PPP3CA: variants seen among roughly 807,000 people sequenced by gnomAD.
PPP3CA encodes the protein protein phosphatase 3 catalytic subunit alpha.
In PPP3CA, 14 loss-of-function variants were observed where a neutral mutation model predicts 66.5. The observed-to-expected ratio is 0.21, with a 90% CI of 0.14 to 0.33. PPP3CA has a LOEUF of 0.33. Ranked by LOEUF, PPP3CA falls within the 10% of genes least tolerant of loss-of-function variation. The pLI is 1.00. For synonymous variants in PPP3CA, 232 were observed against 226.2 expected, an observed-to-expected ratio of 1.03 and a Z score of -0.23; for missense variants, 317 against 639.5, an observed-to-expected ratio of 0.50 and a Z score of 5.44.
At chr4:101,321,614 T>C (rs958779771) in intron 1 of PPP3CA, among the ~76,000 whole-genome samples, 3 of 152,194 alleles carry the variant, frequency 2.0e-5, no homozygotes, top group Admixed American at 6.5e-5. Context: ...GGGAGCAGGA[T>C]TCACTTGTTG....
chr4:101,028,480 C>G (rs1488972678), intron 13 of PPP3CA, among the ~76,000 whole-genome samples: 1 of 152,170 alleles, frequency 6.6e-6, no homozygotes, highest in African/African-American at 2.4e-5. Flanking sequence ...AGCAGACACT[C>G]AGTACACATT....
chr4:101,074,404 C>A (rs1729055608), intron 8 of PPP3CA, among the ~76,000 whole-genome samples: 1 of 152,112 alleles, frequency 6.6e-6, no homozygotes, highest in Admixed American at 6.6e-5. Context: ...AAAACAACCT[C>A]CTAGTGGAAA....
chr4:101,207,734 G>A (rs1725178232), intron 1 of PPP3CA, among the ~76,000 whole-genome samples: 1 of 152,046 alleles, frequency 6.6e-6, no homozygotes, highest in Non-Finnish European at 1.5e-5. Context: ...GCTGAGGCAG[G>A]AGAATCACTT....
At chr4:101,277,569 A>G (rs1727541969) in intron 1 of PPP3CA, among the ~76,000 whole-genome samples, 1 of 152,226 alleles carries the variant, frequency 6.6e-6, no homozygotes, top group Non-Finnish European at 1.5e-5. Context: ...TCAGAGGTCC[A>G]TCTTGCACAT....
At chr4:101,193,394 T>C (rs1306136474) in intron 2 of PPP3CA, among the ~76,000 whole-genome samples, 1 of 152,130 alleles carries the variant, frequency 6.6e-6, no homozygotes, top group Non-Finnish European at 1.5e-5. Flanking sequence ...TACTTTTCTT[T>C]ACAAAATGTC....
chr4:101,026,144 A>G, intron 13 of PPP3CA, 83 bp from the exon 14 acceptor site: 1 of 1,233,508 alleles, frequency 8.1e-7, no homozygotes, highest in Non-Finnish European at 1.1e-6. Context: ...AGGTGATGTT[A>G]GAGATTTCTC....
chr4:101,205,880 G>A (rs893526752), intron 1 of PPP3CA, among the ~76,000 whole-genome samples: 2 of 152,134 alleles, frequency 1.3e-5, no homozygotes, highest in African/African-American at 4.8e-5. Flanking sequence ...CCAGCATACA[G>A]CATCTTGTAT....
At chr4:101,067,837 A>AATG (rs1454084398) in intron 8 of PPP3CA, among the ~76,000 whole-genome samples, 1 of 150,174 alleles carries the variant, frequency 6.7e-6, no homozygotes, top group African/African-American at 2.5e-5. Flanking sequence ...TAATAATAAT[A>AATG]ATAAAAAGCT....
intron 1 of PPP3CA, among the ~76,000 whole-genome samples, chr4:101,291,830 G>C (rs959196648): frequency 6.6e-6 from 1 of 151,974 alleles, no homozygotes; most frequent in Non-Finnish European, 1.5e-5. Flanking sequence ...GTATCAACTT[G>C]TCCTATAACA....
intron 2 of PPP3CA, among the ~76,000 whole-genome samples, chr4:101,162,769 G>A (rs1478626273): frequency 6.6e-6 from 1 of 152,028 alleles, no homozygotes; most frequent in Non-Finnish European, 1.5e-5. Flanking sequence ...GTTTTCACCA[G>A]CAAATTTGAC....
At chr4:101,194,741 A>G (rs924867125) in intron 2 of PPP3CA, among the ~76,000 whole-genome samples, 6 of 151,872 alleles carry the variant, frequency 4.0e-5, no homozygotes, top group Non-Finnish European at 7.4e-5. Context: ...TAATTTTTGT[A>G]TTTTTAGTAG....
intron 1 of PPP3CA, among the ~76,000 whole-genome samples, chr4:101,212,335 AT>A (rs1190930631): frequency 1.3e-5 from 2 of 152,138 alleles, no homozygotes; most frequent in East Asian, 3.8e-4. Context: ...GTTGGAAGCC[AT>A]TATCCTCAGC....
At chr4:101,196,138 T>C in intron 1 of PPP3CA, 22 bp from the exon 2 acceptor site, 1 of 1,608,016 alleles carries the variant, frequency 6.2e-7, no homozygotes, top group Non-Finnish European at 8.5e-7. Flanking sequence ...AAGGTCTAAT[T>C]ATTACATTAG....
chr4:101,196,197 C>A (rs776492735), intron 1 of PPP3CA, 81 bp from the exon 2 acceptor site: 45 of 1,281,532 alleles, frequency 3.5e-5, no homozygotes, highest in African/African-American at 4.5e-5. Flanking sequence ...AATATCCATC[C>A]TCATCACAAA....
At chr4:101,320,574 AT>A (rs1281353890) in intron 1 of PPP3CA, among the ~76,000 whole-genome samples, 1 of 151,944 alleles carries the variant, frequency 6.6e-6, no homozygotes, top group East Asian at 1.9e-4. Flanking sequence ...ATTCCAGGTG[AT>A]TGGTCATGTT....
rs1413665383 is a variant in PPP3CA, at chr4:101,275,901, TTTTG to T, written c.58+70834_58+70837del. Among the ~76,000 whole-genome samples, 281 of 151,616 alleles carry T rather than the reference TTTTG, an allele frequency of 1.9e-3. 3 individuals carry two copies. Among genetic ancestry groups the T allele is most frequent in the East Asian group, 0.01 (53 of 5,166 alleles). On this transcript the variant is annotated intron_variant, in intron 1 of 13. Coordinates refer to ENST00000394854, the MANE Select transcript of PPP3CA (RefSeq NM_000944.5). The stretch of plus-strand genomic sequence containing the variant: ...TTTGTTTGTTTGTTTGTTTTTTGTT[TTTTG>T]TTTTTTTTTGAGACAGGGTCCAGCT...
In PPP3CA at chr4:101,172,869, A is replaced by C. The variant is rs1723931013; in HGVS notation, c.259+23047T>G. Among the ~76,000 whole-genome samples, 2 of 152,224 alleles carry C rather than the reference A, an allele frequency of 1.3e-5. 1 individual carries two copies. The highest frequency in any genetic ancestry group is 4.1e-4 in the South Asian group (2 of 4,830). ...TATTTTTTAATGATCCTGTAAAAAA[A>C]GGCTTCAAAACTTGCAATGCTACTT... On this transcript the variant is annotated intron_variant, in intron 2 of 13. Transcript: ENST00000394854.
chr4:101,194,090 G>GTAAGTCAAGTAAGTTA (rs1469662312), intron 2 of PPP3CA, among the ~76,000 whole-genome samples: 1 of 152,042 alleles, frequency 6.6e-6, no homozygotes, highest in Non-Finnish European at 1.5e-5. Context: ...TAAGTCTCTG[G>GTAAGTCAAGTAAGTTA]CTTGACTTAC....
intron 8 of PPP3CA, among the ~76,000 whole-genome samples, chr4:101,076,279 T>C (rs1320882721): frequency 2.6e-5 from 4 of 151,276 alleles, no homozygotes; most frequent in Non-Finnish European, 5.9e-5. Flanking sequence ...ATAGGATACT[T>C]CTGGTCACAG....
Sources: gnomAD v4.1 joint callset for allele counts (sites outside exome capture counted in the v4.1 genomes callset) on GRCh38, gnomAD v4.1.1 for gene constraint, MANE v1.5 for transcripts, NCBI Gene and HGNC (gene_info 2026-07-23, HGNC 2026-07-21) for gene names.